ST7L: variants seen among roughly 807,000 people sequenced by gnomAD.
The protein encoded by ST7L is suppressor of tumorigenicity 7 protein-like.
In ST7L, 57 loss-of-function variants were observed where a neutral mutation model predicts 72.5. That is an observed-to-expected ratio of 0.79 (90% CI 0.64 to 0.98). The LOEUF (loss-of-function observed/expected upper bound fraction) is 0.98. Among genes scored for constraint, ST7L ranks in the 50% least tolerant of loss-of-function variants. The probability of loss-of-function intolerance (pLI) is 0.00; values close to 1 mark genes in which losing one functional copy is unlikely to be tolerated. For synonymous variants in ST7L, 221 were observed against 240.9 expected (o/e 0.92, Z 0.77); for missense variants, 576 against 672.2 (o/e 0.86, Z 1.58).
intron 3 of ST7L, among the ~76,000 whole-genome samples, chr1:112,601,915 C>T (rs1163654900): frequency 6.6e-6 from 1 of 151,856 alleles, no homozygotes; most frequent in East Asian, 1.9e-4. Flanking sequence ...TCCATCTCTA[C>T]TAAAAATACA....
At chr1:112,599,178 CA>C (rs1667031659) in intron 4 of ST7L, among the ~76,000 whole-genome samples, 1 of 133,530 alleles carries the variant, frequency 7.5e-6, no homozygotes, top group Non-Finnish European at 1.5e-5. Context: ...TCAAGATCTT[CA>C]GGAAATGGAT....
At chr1:112,584,492 T>C (rs979804409) in intron 6 of ST7L, among the ~76,000 whole-genome samples, 2 of 152,024 alleles carry the variant, frequency 1.3e-5, no homozygotes, top group Non-Finnish European at 2.9e-5. Context: ...TGGTCATACC[T>C]GCTTTTTTTT....
chr1:112,521,913 C>G (rs1330171173), downstream of ST7L: 1 of 152,076 alleles, frequency 6.6e-6, no homozygotes. Context: ...ATGACAGACC[C>G]GGGTTAAAAA....
intron 14 of ST7L, among the ~76,000 whole-genome samples, chr1:112,530,555 C>T (rs1654212876): frequency 6.6e-6 from 1 of 152,104 alleles, no homozygotes; most frequent in South Asian, 2.1e-4. Context: ...GCTGGGATTA[C>T]AGGCGCCTGC....
chr1:112,537,473 G>A (rs72993072), intron 14 of ST7L, among the ~76,000 whole-genome samples: 4,617 of 152,278 alleles, frequency 0.03, 256 homozygotes, highest in African/African-American at 0.1. Flanking sequence ...TTTCTTGCAA[G>A]AGAAATTAAA....
chr1:112,537,211 C>CT (rs1241102786), intron 14 of ST7L, among the ~76,000 whole-genome samples: 1 of 152,146 alleles, frequency 6.6e-6, no homozygotes, highest in Non-Finnish European at 1.5e-5. Context: ...GTTGGCCAGG[C>CT]TGGTCTCTAA....
At chr1:112,538,576 C>T (rs1422954747) in intron 14 of ST7L, among the ~76,000 whole-genome samples, 1 of 152,182 alleles carries the variant, frequency 6.6e-6, no homozygotes, top group African/African-American at 2.4e-5. Context: ...AACTCCTGAG[C>T]TCAAGTGATC....
intron 5 of ST7L, among the ~76,000 whole-genome samples, chr1:112,594,872 A>G (rs1210662178): frequency 6.6e-6 from 1 of 152,234 alleles, no homozygotes; most frequent in Non-Finnish European, 1.5e-5. Context: ...AAATATAATT[A>G]AAGCATGTCA....
chr1:112,547,488 G>A (rs1000651561), intron 13 of ST7L, among the ~76,000 whole-genome samples: 1 of 146,456 alleles, frequency 6.8e-6, no homozygotes, highest in African/African-American at 2.5e-5. Flanking sequence ...CCCCATGTCT[G>A]GCCCTTCTCA....
rs1052815125 is a variant in ST7L, at chr1:112,559,723, G to A, written c.1246-3705C>T. ...TGGCTGGGCGCAGTGGCTTACACCT[G>A]TAATCCCAGTACTTTGAGATGCCAA... On this transcript the variant is annotated intron_variant, in intron 11 of 14. Coordinates refer to ENST00000358039, the MANE Select transcript of ST7L (RefSeq NM_017744.5). Among the ~76,000 whole-genome samples the A allele has an allele frequency of 2.6e-5, 4 of 152,064 alleles. No homozygotes were observed. In the East Asian group the frequency reaches 7.8e-4, roughly 30 times the overall value.
intron 13 of ST7L, among the ~76,000 whole-genome samples, chr1:112,546,500 A>G (rs1238812168): frequency 6.6e-6 from 1 of 152,164 alleles, no homozygotes; most frequent in Non-Finnish European, 1.5e-5. Flanking sequence ...TGAAGTGGAT[A>G]CACTGAGAGA....
chr1:112,555,766 C>T lies in ST7L; in HGVS notation c.1396+102G>A, dbSNP rs1033252614. On this transcript the variant is annotated intron_variant, in intron 12 of 14. Coordinates refer to ENST00000358039, the MANE Select transcript of ST7L (RefSeq NM_017744.5). ...TTCCATTTGAAACCAATCTGAACGA[C>T]AAATCCTTATGGAAACCCAGACAAT... 5.9e-6 allele frequency: 7 copies of T among 1,180,784 alleles called. No homozygotes were observed. In the Admixed American group the frequency reaches 1.3e-4, roughly 23 times the overall value. 73.1% of individuals were successfully genotyped at this position (1,180,784 alleles called of 1,614,324 possible).
intron 11 of ST7L, among the ~76,000 whole-genome samples, chr1:112,570,568 T>TACACACACACACACACAC (rs199676111): frequency 1.9e-4 from 27 of 144,804 alleles, no homozygotes; most frequent in African/African-American, 7.3e-4. Flanking sequence ...TATATATATA[T>TACACACACACACACACAC]ATACACACAC....
intron 11 of ST7L, among the ~76,000 whole-genome samples, chr1:112,575,161 C>T (rs1207570004): frequency 6.6e-6 from 1 of 152,172 alleles, no homozygotes; most frequent in African/African-American, 2.4e-5. Flanking sequence ...ATCGCTTGAA[C>T]TCTGGAGGCG....
intron 13 of ST7L, among the ~76,000 whole-genome samples, chr1:112,545,433 T>G (rs1656889953): frequency 6.6e-6 from 1 of 152,248 alleles, no homozygotes. Flanking sequence ...ATTAGCTTAA[T>G]ATAATATACT....
At chr1:112,578,449 T>C (rs773996420) in intron 9 of ST7L, 32 bp from the exon 10 acceptor site, 2 of 1,600,806 alleles carry the variant, frequency 1.2e-6, no homozygotes, top group Non-Finnish European at 8.6e-7. Context: ...TAGGTAGGAA[T>C]TACAAAAAAG....
chr1:112,526,188 C>T (rs1653348456), intron 14 of ST7L, 77 bp from the exon 15 acceptor site: 2 of 1,594,944 alleles, frequency 1.3e-6, no homozygotes, highest in Middle Eastern at 1.8e-4. Context: ...TATCTGAGCA[C>T]AGTTTACAAA....
At chr1:112,606,671 T>C (rs748046733) in intron 3 of ST7L, among the ~76,000 whole-genome samples, 2 of 152,208 alleles carry the variant, frequency 1.3e-5, no homozygotes, top group Admixed American at 6.5e-5. Flanking sequence ...CAAAGTATCA[T>C]ATGCTGAGTG....
chr1:112,589,824 T>G (rs879813223), intron 6 of ST7L, among the ~76,000 whole-genome samples: 6 of 152,234 alleles, frequency 3.9e-5, no homozygotes, highest in Non-Finnish European at 8.8e-5. Context: ...ACATGAAGGT[T>G]AGGCAGACTT....
Sources: gnomAD v4.1 joint callset for allele counts (sites outside exome capture counted in the v4.1 genomes callset) on GRCh38, gnomAD v4.1.1 for gene constraint, MANE v1.5 for transcripts, NCBI Gene and HGNC (gene_info 2026-07-23, HGNC 2026-07-21) for gene names.